Variants in PPP6R3 observed in about 807,000 individuals in gnomAD.
PPP6R3 encodes the protein protein phosphatase 6 regulatory subunit 3, also known as serine/threonine-protein phosphatase 6 regulatory subunit 3.
Under a neutral mutation model 110.7 loss-of-function variants are expected in PPP6R3, and 38 were observed. That is an observed-to-expected ratio of 0.34 (90% CI 0.26 to 0.45). The LOEUF (loss-of-function observed/expected upper bound fraction) is 0.45. Ranked by LOEUF, PPP6R3 falls within the 20% of genes least tolerant of loss-of-function variation. The pLI is 1.00. For missense variants in PPP6R3, 870 were observed against 1,062.4 expected, an observed-to-expected ratio of 0.82 and a Z score of 2.52; for synonymous variants, 369 against 373.5, an observed-to-expected ratio of 0.99 and a Z score of 0.14.
At chr11:68,479,639 T>G (rs1393486515) in intron 1 of PPP6R3, among the ~76,000 whole-genome samples, 1 of 152,230 alleles carries the variant, frequency 6.6e-6, no homozygotes, top group Non-Finnish European at 1.5e-5. Flanking sequence ...AACCTCTTTC[T>G]TTCATTTTTT....
chr11:68,579,901 A>G (rs77413459), intron 14 of PPP6R3, among the ~76,000 whole-genome samples: 8,060 of 152,300 alleles, frequency 0.053, 231 homozygotes, highest in Middle Eastern at 0.13. Flanking sequence ...AGTAGGCTCT[A>G]CCATGTGAAC....
At chr11:68,531,311 A>T (rs113364687) in intron 2 of PPP6R3, among the ~76,000 whole-genome samples, 1 of 133,980 alleles carries the variant, frequency 7.5e-6, no homozygotes, top group Admixed American at 7.4e-5. Context: ...ACTGTGTTTT[A>T]TTTATTTATT....
intron 12 of PPP6R3, among the ~76,000 whole-genome samples, chr11:68,573,869 G>A (rs1255677093): frequency 2.6e-5 from 4 of 152,106 alleles, no homozygotes; most frequent in Admixed American, 2.6e-4. Context: ...ATAAACTGTG[G>A]CCTGTTGACT....
rs376280973 is a variant in PPP6R3, at chr11:68,613,813, C to T, written c.*696C>T. 9.1e-6 allele frequency: 9 copies of T among 984,174 alleles called. No individual in the cohort carries two copies. Among genetic ancestry groups the T allele is most frequent in the Admixed American group, 6.2e-5 (1 of 16,142 alleles). 61.0% of individuals were successfully genotyped at this position (984,174 alleles called of 1,614,324 possible). ...TGATGTTATCGTAAAGCCATATGTTCTGTTCAAGTCTTGTTTGCTTGAAAT... is the reference window on the plus strand; with the variant it reads ...TGATGTTATCGTAAAGCCATATGTTTTGTTCAAGTCTTGTTTGCTTGAAAT... On this transcript the variant is annotated 3_prime_UTR_variant, in exon 24 of 24. Transcript: ENST00000393800.
At chr11:68,552,501 G>T (rs1314036989) in intron 6 of PPP6R3, among the ~76,000 whole-genome samples, 4 of 152,238 alleles carry the variant, frequency 2.6e-5, no homozygotes, top group African/African-American at 9.6e-5. Flanking sequence ...AGTTGTTACT[G>T]TTAGCAGAGT....
intron 1 of PPP6R3, among the ~76,000 whole-genome samples, chr11:68,466,634 A>G (rs2098748480): frequency 6.8e-6 from 1 of 147,532 alleles, no homozygotes; most frequent in Admixed American, 6.8e-5. Context: ...TTATTTTGAG[A>G]CGGAGTCTCA....
At chr11:68,514,321 C>T (rs943638543) in intron 1 of PPP6R3, among the ~76,000 whole-genome samples, 1 of 152,080 alleles carries the variant, frequency 6.6e-6, no homozygotes, top group African/African-American at 2.4e-5. Context: ...CCCGTCAGAG[C>T]CTCCCAAAGC....
chr11:68,544,929 T>C lies in PPP6R3; in HGVS notation c.319T>C (p.Tyr107His), dbSNP rs763284303. The C allele has an allele frequency of 1.9e-6, 3 of 1,603,868 alleles. No homozygotes were observed. Among genetic ancestry groups the C allele is most frequent in the East Asian group, 4.5e-5 (2 of 44,802 alleles). The change falls in exon 4 of 24, where the codon TAT becomes CAT. Residue 107 changes from tyrosine to histidine, a missense_variant. Coordinates refer to ENST00000393800, the MANE Select transcript of PPP6R3 (RefSeq NM_001164161.2). ...AGATGAATCCTTGCTAATGAAATTA[T>C]ATAGCTTCCTCCTAAACGATTCCCC... ...GEDESLLMKL[Y>H]SFLLNDSPLN...
chr11:68,539,219 C>T (rs2099293938), intron 3 of PPP6R3, among the ~76,000 whole-genome samples: 1 of 152,134 alleles, frequency 6.6e-6, no homozygotes, highest in South Asian at 2.1e-4. Context: ...GATCAGCCTC[C>T]TCAGAAGAGT....
At chr11:68,525,215 A>G (rs1345790633) in intron 2 of PPP6R3, among the ~76,000 whole-genome samples, 4 of 152,242 alleles carry the variant, frequency 2.6e-5, no homozygotes, top group Non-Finnish European at 5.9e-5. Context: ...CCTTGAAGGT[A>G]TGAAGTATCT....
intron 7 of PPP6R3, among the ~76,000 whole-genome samples, chr11:68,556,177 G>A (rs2099398779): frequency 6.6e-6 from 1 of 152,134 alleles, no homozygotes; most frequent in South Asian, 2.1e-4. Context: ...GTAACCCACA[G>A]TGTGGACTCC....
chr11:68,508,321 G>A (rs1341493591), intron 1 of PPP6R3, among the ~76,000 whole-genome samples: 1 of 151,576 alleles, frequency 6.6e-6, no homozygotes, highest in Non-Finnish European at 1.5e-5. Context: ...TAGTAGAGAC[G>A]GGGTTTCACC....
At chr11:68,516,594 G>A (rs2099138260) in intron 1 of PPP6R3, among the ~76,000 whole-genome samples, 1 of 152,178 alleles carries the variant, frequency 6.6e-6, no homozygotes, top group African/African-American at 2.4e-5. Flanking sequence ...CCATTCATCT[G>A]TTGATGGACA....
chr11:68,486,839 C>G (rs970223124), intron 1 of PPP6R3, among the ~76,000 whole-genome samples: 2 of 151,950 alleles, frequency 1.3e-5, no homozygotes, highest in Non-Finnish European at 2.9e-5. Context: ...AGGAATTGTT[C>G]CATTTCATTT....
chr11:68,591,220 C>G (rs2099594296), intron 17 of PPP6R3, among the ~76,000 whole-genome samples: 1 of 152,168 alleles, frequency 6.6e-6, no homozygotes, highest in Admixed American at 6.5e-5. Flanking sequence ...CACTGCTCAG[C>G]TGGACTAGTA....
At chr11:68,540,020 A>G (rs1221487098) in intron 3 of PPP6R3, among the ~76,000 whole-genome samples, 1 of 152,186 alleles carries the variant, frequency 6.6e-6, no homozygotes, top group Non-Finnish European at 1.5e-5. Context: ...GGGCAGCCAG[A>G]GAAGGGGCAG....
chr11:68,528,615 C>T (rs1316590981), intron 2 of PPP6R3, among the ~76,000 whole-genome samples: 1 of 152,162 alleles, frequency 6.6e-6, no homozygotes, highest in East Asian at 1.9e-4. Flanking sequence ...GAAAATTTCC[C>T]TGGGCATTGA....
At chr11:68,597,187 C>G (rs2099616307) in intron 19 of PPP6R3, among the ~76,000 whole-genome samples, 2 of 152,152 alleles carry the variant, frequency 1.3e-5, no homozygotes, top group African/African-American at 4.8e-5. Context: ...GCTGGGGAAG[C>G]AGATGGGCAG....
In PPP6R3 at chr11:68,613,232, T is replaced by A; in HGVS notation, c.*115T>A. 1 of 1,489,000 alleles carries A rather than the reference T, an allele frequency of 6.7e-7. No individual in the cohort carries two copies. The highest frequency in any genetic ancestry group is 8.9e-7 in the Non-Finnish European group (1 of 1,121,080). The allele number at this position is 1,489,000 out of a possible 1,614,324, so 92.2% of individuals were successfully genotyped here. A position where few individuals can be genotyped will look rare whatever the true frequency, so the allele number is the denominator to read the frequency against. ...ACTGCTGCACTCACTCTGCAAGGGA[T>A]CAGGACCAGCAACCTTTATATTCTA... On this transcript the variant is annotated 3_prime_UTR_variant, in exon 24 of 24. Coordinates refer to ENST00000393800, the MANE Select transcript of PPP6R3 (RefSeq NM_001164161.2).
Sources: gnomAD v4.1 joint callset for allele counts (sites outside exome capture counted in the v4.1 genomes callset) on GRCh38, gnomAD v4.1.1 for gene constraint, MANE v1.5 for transcripts, NCBI Gene and HGNC (gene_info 2026-07-23, HGNC 2026-07-21) for gene names.